The following PLEKHM3 variants were observed in gnomAD, a reference collection of about 807,000 sequenced individuals.
The protein encoded by PLEKHM3 is pleckstrin homology domain containing M3.
PLEKHM3 carries 45 observed loss-of-function variants against 81.8 expected under a neutral mutation model. The observed-to-expected ratio is 0.55, with a 90% CI of 0.43 to 0.71. The LOEUF (loss-of-function observed/expected upper bound fraction) is 0.71, where lower values mean the gene tolerates loss of function less well. PLEKHM3 is among the 30% of genes least tolerant of loss of function. The pLI is 0.00. For missense variants in PLEKHM3, 788 were observed against 924.3 expected, an observed-to-expected ratio of 0.85 and a Z score of 1.91; for synonymous variants, 352 against 356.4, an observed-to-expected ratio of 0.99 and a Z score of 0.14.
In PLEKHM3 at chr2:207,837,632, C is replaced by CTT. The variant is rs756408346; in HGVS notation, c.2109-9138_2109-9137dup. Among the ~76,000 whole-genome samples, 29 of 106,004 alleles carry CTT rather than the reference C, an allele frequency of 2.7e-4. 5 individuals carry two copies. The highest frequency in any genetic ancestry group is 5.2e-3 in the Middle Eastern group (1 of 192). 69.5% of individuals were successfully genotyped at this position (106,004 alleles called of 152,430 possible). A position where few individuals can be genotyped will look rare whatever the true frequency, so the allele number is the denominator to read the frequency against. ...TAAAATAAAATTACAATAGTTCTCC[C>CTT]TTTTTTTTTTTTTTTTTTTGAGATG... On this transcript the variant is annotated intron_variant, in intron 7 of 7. Coordinates refer to ENST00000427836, the MANE Select transcript of PLEKHM3 (RefSeq NM_001080475.3).
At chr2:208,021,991 T>G (rs1018290099) in intron 1 of PLEKHM3, among the ~76,000 whole-genome samples, 1 of 152,252 alleles carries the variant, frequency 6.6e-6, no homozygotes, top group African/African-American at 2.4e-5. Flanking sequence ...AAAGTTATAT[T>G]GAGCATCTTT....
Position 207,977,236 on chromosome 2 carries a change from G to A in PLEKHM3, c.961C>T (p.Leu321=), listed in dbSNP as rs192929077. 9 of 1,614,136 alleles carry A rather than the reference G, an allele frequency of 5.6e-6. No individual in the cohort carries two copies. Among genetic ancestry groups the A allele is most frequent in the East Asian group, 2.2e-5 (1 of 44,882 alleles). ...TGGCCAAGCCCTGGTGAGATTGTCA[G>A]CTCATTCTGCCGCCCCATGTAACCG... ...VPGYMGRQNE[L]TISPGLGHHD... The change falls in exon 3 of 8, where the codon CTG becomes TTG. Residue 321 remains leucine (L), a synonymous_variant. Transcript: ENST00000427836.
At chr2:207,898,480 G>A (rs1164994691) in intron 6 of PLEKHM3, among the ~76,000 whole-genome samples, 2 of 152,166 alleles carry the variant, frequency 1.3e-5, no homozygotes, top group Non-Finnish European at 2.9e-5. Flanking sequence ...TGGACCAGGC[G>A]TGCTGGCTCA....
intron 3 of PLEKHM3, among the ~76,000 whole-genome samples, chr2:207,951,556 T>C (rs1402893759): frequency 6.6e-6 from 1 of 152,118 alleles, no homozygotes; most frequent in Non-Finnish European, 1.5e-5. Flanking sequence ...CCCACTCCAC[T>C]TCAAATCTTT....
At chr2:207,962,951 G>A (rs911789724) in intron 3 of PLEKHM3, among the ~76,000 whole-genome samples, 2 of 147,852 alleles carry the variant, frequency 1.4e-5, no homozygotes, top group African/African-American at 2.5e-5. Flanking sequence ...AGACGTGCCC[G>A]GAAACTTGCA....
chr2:207,901,680 C>T (rs1474667849), intron 6 of PLEKHM3, among the ~76,000 whole-genome samples: 1 of 152,244 alleles, frequency 6.6e-6, no homozygotes, highest in Non-Finnish European at 1.5e-5. Flanking sequence ...AACACTCAAT[C>T]CCTTCCTCCT....
chr2:207,872,711 A>G (rs370824342), intron 6 of PLEKHM3, among the ~76,000 whole-genome samples: 1 of 152,116 alleles, frequency 6.6e-6, no homozygotes, highest in East Asian at 1.9e-4. Context: ...GTGGTGCTGC[A>G]TGCTTGTAAT....
At chr2:207,980,917 T>C (rs1479270612) in intron 2 of PLEKHM3, among the ~76,000 whole-genome samples, 1 of 151,726 alleles carries the variant, frequency 6.6e-6, no homozygotes, top group Non-Finnish European at 1.5e-5. Flanking sequence ...TCACCTGAGG[T>C]CGAGTTTGAG....
chr2:207,837,012 G>A (rs1046040803), intron 7 of PLEKHM3, among the ~76,000 whole-genome samples: 12 of 152,150 alleles, frequency 7.9e-5, no homozygotes, highest in African/African-American at 2.4e-4. Flanking sequence ...ACTATGCAAC[G>A]CCCCCCATAC....
chr2:207,876,181 T>C (rs1455223752), intron 6 of PLEKHM3, among the ~76,000 whole-genome samples: 3 of 152,194 alleles, frequency 2.0e-5, no homozygotes, highest in African/African-American at 7.2e-5. Context: ...TCCTCTGCCT[T>C]AGCCTCTTGG....
intron 5 of PLEKHM3, among the ~76,000 whole-genome samples, chr2:207,922,115 T>C (rs1689203139): frequency 6.6e-6 from 1 of 152,326 alleles, no homozygotes; most frequent in East Asian, 1.9e-4. Flanking sequence ...TTTATAAGAG[T>C]TCTCTTTTCT....
At chr2:207,917,194 G>T (rs1689020706) in intron 5 of PLEKHM3, among the ~76,000 whole-genome samples, 1 of 152,198 alleles carries the variant, frequency 6.6e-6, no homozygotes, top group South Asian at 2.1e-4. Context: ...GATAGATTCT[G>T]CAGCTAATCT....
At chr2:208,006,026 T>C (rs1692483225) in intron 1 of PLEKHM3, among the ~76,000 whole-genome samples, 1 of 152,174 alleles carries the variant, frequency 6.6e-6, no homozygotes. Flanking sequence ...GTTTGCCAAA[T>C]TGTACCAAAA....
chr2:207,939,750 GC>G (rs1405985285), intron 4 of PLEKHM3, among the ~76,000 whole-genome samples: 1 of 152,172 alleles, frequency 6.6e-6, no homozygotes, highest in African/African-American at 2.4e-5. Flanking sequence ...AAATATACCA[GC>G]CAGAGAGTGA....
chr2:207,960,288 A>C (rs913006139), intron 3 of PLEKHM3, among the ~76,000 whole-genome samples: 2 of 152,202 alleles, frequency 1.3e-5, no homozygotes, highest in African/African-American at 4.8e-5. Context: ...ATAAGAGGAC[A>C]TGATGGCCTT....
At chr2:208,004,918 G>A (rs905996468) in intron 1 of PLEKHM3, among the ~76,000 whole-genome samples, 5 of 151,918 alleles carry the variant, frequency 3.3e-5, no homozygotes, top group African/African-American at 1.2e-4. Context: ...TCTACCCCAC[G>A]GCGTTCAAGC....
intron 1 of PLEKHM3, among the ~76,000 whole-genome samples, chr2:208,019,037 CA>C (rs1362931855): frequency 6.6e-6 from 1 of 151,716 alleles, no homozygotes; most frequent in African/African-American, 2.4e-5. Context: ...TGGTGGCTCA[CA>C]CCTGTAATCC....
intron 7 of PLEKHM3, among the ~76,000 whole-genome samples, chr2:207,847,295 C>T (rs2092389213): frequency 6.6e-6 from 1 of 152,202 alleles, no homozygotes; most frequent in African/African-American, 2.4e-5. Context: ...AACATTTTGA[C>T]ATGTGAATAC....
At chr2:207,927,091 T>TTAG (rs1292161404) in intron 5 of PLEKHM3, among the ~76,000 whole-genome samples, 1 of 152,196 alleles carries the variant, frequency 6.6e-6, no homozygotes. Context: ...AGATAAGAAC[T>TTAG]GGATTCTCTT....
Sources: gnomAD v4.1 joint callset for allele counts (sites outside exome capture counted in the v4.1 genomes callset) on GRCh38, gnomAD v4.1.1 for gene constraint, MANE v1.5 for transcripts, NCBI Gene and HGNC (gene_info 2026-07-23, HGNC 2026-07-21) for gene names.